Variants in INTS14 observed in about 807,000 individuals in gnomAD.
INTS14 encodes the protein UPF0464 protein C15orf44.
In INTS14, 27 loss-of-function variants were observed where a neutral mutation model predicts 56.9. That is an observed-to-expected ratio of 0.47 (90% CI 0.35 to 0.65). INTS14 has a LOEUF of 0.65. Ranked by LOEUF, INTS14 falls within the 30% of genes least tolerant of loss-of-function variation. INTS14 has a pLI of 0.00. For synonymous variants in INTS14, 207 were observed against 236.2 expected, an observed-to-expected ratio of 0.88 and a Z score of 1.13; for missense variants, 517 against 632.2, an observed-to-expected ratio of 0.82 and a Z score of 1.95.
chr15:65,580,483 C>G (rs1416741536), intron 11 of INTS14, among the ~76,000 whole-genome samples: 1 of 144,872 alleles, frequency 6.9e-6, no homozygotes, highest in African/African-American at 2.8e-5. Context: ...GGAGGATGGA[C>G]TGTGTGGATT....
In INTS14 at chr15:65,598,924, T is replaced by C; in HGVS notation, c.553A>G (p.Ile185Val). The C allele has an allele frequency of 6.2e-7, 1 of 1,614,028 alleles. No individual in the cohort carries two copies. Among genetic ancestry groups the C allele is most frequent in the Non-Finnish European group, 8.5e-7 (1 of 1,179,948 alleles). ...CACAGGGGGCCATCAATAGTAAAAA[T>C]CTGCCCTTCACCATTGTTTAAATCT... ...LIDLNNGEGQ[I>V]FTIDGPLCLK... Residue 185 changes from isoleucine to valine, a missense_variant, in exon 5 of 12, where the codon ATT becomes GTT. Transcript: ENST00000313182.
chr15:65,606,544 C>T (rs1255974987), intron 2 of INTS14, among the ~76,000 whole-genome samples: 1 of 151,756 alleles, frequency 6.6e-6, no homozygotes, highest in African/African-American at 2.4e-5. Context: ...CGTGAGCCAC[C>T]ACACCTGGCC....
chr15:65,589,915 C>G (rs2072962746), intron 9 of INTS14, among the ~76,000 whole-genome samples: 1 of 152,250 alleles, frequency 6.6e-6, no homozygotes, highest in African/African-American at 2.4e-5. Context: ...TCTCTAGGTA[C>G]CTCCACCTGT....
rs1566937630 is a variant in INTS14, at chr15:65,611,118, C to T, written c.-83G>A. The T allele has an allele frequency of 4.6e-6, 7 of 1,535,622 alleles. No homozygotes were observed. Among genetic ancestry groups the T allele is most frequent in the Non-Finnish European group, 6.1e-6 (7 of 1,146,592 alleles). ...CTCACCCCGTGCCCATCGCCGGACACAGTCCGTCGGCATAAACTTTCCGTC... is the reference window on the plus strand; with the variant it reads ...CTCACCCCGTGCCCATCGCCGGACATAGTCCGTCGGCATAAACTTTCCGTC... On this transcript the variant is annotated 5_prime_UTR_variant, in exon 1 of 12. In the 5' UTR this introduces an upstream ATG that the reference lacks. Coordinates refer to ENST00000313182, the MANE Select transcript of INTS14 (RefSeq NM_001394796.1).
At position 65,579,573 on chromosome 15, in the gene INTS14, G is replaced by A. The variant is rs913487953; in HGVS notation, c.1392C>T (p.Cys464=). The change falls in exon 12 of 12, where the codon TGC becomes TGT. Residue 464 remains cysteine (C), a synonymous_variant. Coordinates refer to ENST00000313182, the MANE Select transcript of INTS14 (RefSeq NM_001394796.1). ...KGVADMLERE[C]TLLPETAHPD... ...GGTGGGCTGTCTCAGGCAGCAGTGT[G>A]CATTCCCTTTCCAGCATGTCAGCCA... 1 of 1,614,074 alleles carries A rather than the reference G, an allele frequency of 6.2e-7. No individual in the cohort carries two copies. The highest frequency in any genetic ancestry group is 1.3e-5 in the African/African-American group (1 of 74,930).
chr15:65,584,064 AT>A (rs1228319819), intron 10 of INTS14, among the ~76,000 whole-genome samples: 1 of 152,212 alleles, frequency 6.6e-6, no homozygotes, highest in East Asian at 1.9e-4. Context: ...TCAATAAGTG[AT>A]TTTTAAAAAC....
rs1486598542 is a variant in INTS14 at position 65,607,381 on chromosome 15, G to A, written c.-1C>T. 1 of 1,614,182 alleles carries A rather than the reference G, an allele frequency of 6.2e-7. No individual in the cohort carries two copies. The highest frequency in any genetic ancestry group is 1.7e-5 in the Admixed American group (1 of 60,024). ...CATCCATTACCACCACTGTCGGCATGATGAAAATGATCCCAGTGTTCCCAA... is the reference window on the plus strand; with the variant it reads ...CATCCATTACCACCACTGTCGGCATAATGAAAATGATCCCAGTGTTCCCAA... On this transcript the variant is annotated 5_prime_UTR_variant, in exon 2 of 12. Coordinates refer to ENST00000313182, the MANE Select transcript of INTS14 (RefSeq NM_001394796.1).
chr15:65,594,728 T>C (rs2073154208), intron 7 of INTS14, among the ~76,000 whole-genome samples: 2 of 152,054 alleles, frequency 1.3e-5, no homozygotes, highest in African/African-American at 4.8e-5. Flanking sequence ...CTTTTCACTA[T>C]TCCCCTATAT....
intron 10 of INTS14, among the ~76,000 whole-genome samples, chr15:65,582,241 T>C (rs1444329824): frequency 6.6e-6 from 1 of 152,164 alleles, no homozygotes; most frequent in Admixed American, 6.5e-5. Flanking sequence ...GAAACGAACT[T>C]GCCTCATAAA....
intron 9 of INTS14, among the ~76,000 whole-genome samples, chr15:65,588,068 A>G (rs973661624): frequency 6.6e-6 from 1 of 151,902 alleles, no homozygotes; most frequent in East Asian, 1.9e-4. Flanking sequence ...CGGGAGGATC[A>G]CTTGAGGTCA....
Position 65,598,438 on chromosome 15 carries a change from G to C in INTS14, c.631C>G (p.Pro211Ala). ...FGKLIDLAYT[P>A]FHAVLKCGHL... ...CCACACTTGAGAACAGCATGGAAAG[G>C]CGTATATGCCAAATCTATCAGTTTT... Residue 211 changes from proline (P) to alanine (A), a missense_variant, in exon 6 of 12, where the codon CCT (proline) becomes GCT (alanine). Transcript: ENST00000313182. 6.2e-7 allele frequency: 1 copy of C among 1,613,952 alleles called. No homozygotes were observed. Among genetic ancestry groups the C allele is most frequent in the Non-Finnish European group, 8.5e-7 (1 of 1,179,884 alleles).
intron 8 of INTS14, among the ~76,000 whole-genome samples, chr15:65,592,051 C>CTA (rs780340703): frequency 1.3e-5 from 2 of 152,310 alleles, no homozygotes; most frequent in Middle Eastern, 3.4e-3. Flanking sequence ...AGGCTGTGAC[C>CTA]TATAGGTCCT....
At position 65,588,530 on chromosome 15, in the gene INTS14, T is replaced by C. The variant is rs147924892; in HGVS notation, c.1120+3068A>G. On this transcript the variant is annotated intron_variant, in intron 9 of 11. Transcript: ENST00000313182. ...TAAAAATACAACAATTAGCCGGGCA[T>C]GGTGGCTTGTGCCTGTAGTCACAGC... Among the ~76,000 whole-genome samples the C allele has an allele frequency of 1.1e-3, 166 of 151,918 alleles. 1 individual carries two copies. The Middle Eastern group carries it at 0.014, about 12-fold the overall frequency.
Position 65,579,541 on chromosome 15 carries a change from G to A in INTS14, c.1424C>T (p.Ala475Val). Residue 475 changes from alanine (A) to valine (V), a missense_variant, in exon 12 of 12, where the codon GCT becomes GTT. Physicochemically the swap from Ala to Val is moderately conservative, Grantham distance 64 (BLOSUM62 0). Transcript: ENST00000313182. Reference sequence around the variant, plus strand: ...GGCAGCATGGGTCAGCTGGAATGCAGCATCAGGGTGGGCTGTCTCAGGCAG... The same window carrying A: ...GGCAGCATGGGTCAGCTGGAATGCAACATCAGGGTGGGCTGTCTCAGGCAG... ...TLLPETAHPD[A>V]AFQLTHAAQQ... The A allele has an allele frequency of 1.9e-6, 3 of 1,614,252 alleles. No homozygotes were observed. Among genetic ancestry groups the A allele is most frequent in the Non-Finnish European group, 2.5e-6 (3 of 1,180,052 alleles).
rs1201264664 is a variant in INTS14, at chr15:65,607,395, C to T, written c.-15G>A. The T allele has an allele frequency of 2.5e-6, 4 of 1,613,916 alleles. No homozygotes were observed. In the Admixed American group the frequency reaches 5.0e-5, roughly 20 times the overall value. Reference sequence around the variant, plus strand: ...ACTGTCGGCATGATGAAAATGATCCCAGTGTTCCCAATCAGAATGCAAACA... The same window carrying T: ...ACTGTCGGCATGATGAAAATGATCCTAGTGTTCCCAATCAGAATGCAAACA... On this transcript the variant is annotated 5_prime_UTR_variant, in exon 2 of 12. It introduces an in-frame stop codon into an upstream open reading frame of the 5' UTR. Transcript: ENST00000313182.
chr15:65,599,013 C>T, intron 4 of INTS14, 23 bp from the exon 5 acceptor site: 2 of 1,575,680 alleles, frequency 1.3e-6, no homozygotes, highest in Non-Finnish European at 1.7e-6. Flanking sequence ...ACAGATGACC[C>T]TTAAAGTGGC....
intron 7 of INTS14, among the ~76,000 whole-genome samples, chr15:65,595,338 AG>A (rs1202707191): frequency 6.6e-6 from 1 of 152,260 alleles, no homozygotes; most frequent in East Asian, 1.9e-4. Flanking sequence ...GGGCACCAGT[AG>A]AACAAAGAAC....
chr15:65,583,503 A>C (rs1052542099), intron 10 of INTS14, among the ~76,000 whole-genome samples: 2 of 152,182 alleles, frequency 1.3e-5, no homozygotes, highest in Non-Finnish European at 2.9e-5. Context: ...GACAGAAAGA[A>C]AATCAATGGT....
At chr15:65,588,883 A>T (rs891660361) in intron 9 of INTS14, among the ~76,000 whole-genome samples, 7 of 152,146 alleles carry the variant, frequency 4.6e-5, no homozygotes, top group Non-Finnish European at 1.0e-4. Flanking sequence ...GTGAGAGTTA[A>T]ATGAGATGGT....
Sources: allele counts gnomAD v4.1 joint callset (sites outside exome capture counted in the v4.1 genomes callset), GRCh38; gene constraint gnomAD v4.1.1; transcripts MANE v1.5; gene names NCBI Gene and HGNC (gene_info 2026-07-23, HGNC 2026-07-21).